ARHGAP8: variants seen among roughly 807,000 people sequenced by gnomAD.
The protein encoded by ARHGAP8 is Rho GTPase activating protein 8, also known as rho GTPase-activating protein 8.
ARHGAP8 carries 62 observed loss-of-function variants against 46.1 expected under a neutral mutation model. That is an observed-to-expected ratio of 1.34 (90% CI 1.10 to 1.66). The LOEUF (loss-of-function observed/expected upper bound fraction) is 1.66. Among genes scored for constraint, ARHGAP8 ranks in the 40% most tolerant of loss-of-function variants. The pLI is 0.00. For synonymous variants in ARHGAP8, 375 were observed against 243.1 expected (o/e 1.54, Z -5.05); for missense variants, 923 against 568.4 (o/e 1.62, Z -6.34).
At chr22:44,851,851 A>T (rs2070102184) in intron 10 of ARHGAP8, among the ~76,000 whole-genome samples, 1 of 151,910 alleles carries the variant, frequency 6.6e-6, no homozygotes, top group African/African-American at 2.4e-5. Flanking sequence ...AAACAGAAGG[A>T]ATGATGGAGG....
At chr22:44,778,390 G>A (rs943553901) in intron 1 of ARHGAP8, among the ~76,000 whole-genome samples, 2 of 151,990 alleles carry the variant, frequency 1.3e-5, no homozygotes, top group Admixed American at 6.6e-5. Flanking sequence ...GTATTCCATC[G>A]TATGTCTATA....
chr22:44,832,788 A>G (rs1277322497), intron 7 of ARHGAP8, among the ~76,000 whole-genome samples: 1 of 152,190 alleles, frequency 6.6e-6, no homozygotes, highest in Non-Finnish European at 1.5e-5. Flanking sequence ...ATTGTTGAAT[A>G]AAAATGATAA....
intron 3 of ARHGAP8, 132 bp from the exon 4 acceptor site, chr22:44,808,175 G>A (rs937845417): frequency 7.2e-7 from 1 of 1,391,210 alleles, no homozygotes; most frequent in Non-Finnish European, 9.7e-7. Flanking sequence ...GGGGCCCACG[G>A]TGCATGGAGT....
At chr22:44,772,345 CTTTTTTCTTT>C (rs1262906806) in intron 1 of ARHGAP8, among the ~76,000 whole-genome samples, 6 of 56,186 alleles carry the variant, frequency 1.1e-4, no homozygotes, top group Non-Finnish European at 2.0e-4. Flanking sequence ...TTTGTATTTT[CTTTTTTCTTT>C]TTTTTTTTTT....
chr22:44,822,872 G>A (rs1465052832), intron 6 of ARHGAP8, among the ~76,000 whole-genome samples: 3 of 152,196 alleles, frequency 2.0e-5, no homozygotes, highest in South Asian at 2.1e-4. Flanking sequence ...TCTAGAAAAC[G>A]ACCTGTCTCC....
At chr22:44,858,532 G>GTTTTTTTTTTT (rs1569184837) in intron 10 of ARHGAP8, among the ~76,000 whole-genome samples, 1 of 12,690 alleles carries the variant, frequency 7.9e-5, no homozygotes, top group Non-Finnish European at 1.5e-4. Context: ...ACCATACCCG[G>GTTTTTTTTTTT]CTTTTTTTTT....
intron 7 of ARHGAP8, among the ~76,000 whole-genome samples, chr22:44,838,056 C>T (rs1409533621): frequency 6.6e-6 from 1 of 152,140 alleles, no homozygotes; most frequent in African/African-American, 2.4e-5. Context: ...TCGCTGCAGC[C>T]TCCACCTCCC....
chr22:44,828,457 A>G (rs1930693521), intron 7 of ARHGAP8, among the ~76,000 whole-genome samples: 3 of 106,760 alleles, frequency 2.8e-5, no homozygotes. Context: ...TTTTGAGACA[A>G]TTTTTTTTTT....
chr22:44,821,943 A>G (rs898515106), intron 5 of ARHGAP8, among the ~76,000 whole-genome samples: 2 of 146,914 alleles, frequency 1.4e-5, no homozygotes, highest in Admixed American at 6.7e-5. Flanking sequence ...TGAAGCCACC[A>G]CTGACCCCAA....
chr22:44,813,326 C>T (rs999852391), intron 4 of ARHGAP8, among the ~76,000 whole-genome samples: 3 of 151,812 alleles, frequency 2.0e-5, no homozygotes, highest in Middle Eastern at 3.4e-3. Flanking sequence ...CATACACATA[C>T]ATACAGACAC....
intron 5 of ARHGAP8, among the ~76,000 whole-genome samples, chr22:44,819,833 C>G (rs920665428): frequency 9.2e-5 from 14 of 152,200 alleles, no homozygotes; most frequent in African/African-American, 2.4e-4. Flanking sequence ...AGAGGTTACG[C>G]CCAAGTCGCA....
intron 1 of ARHGAP8, among the ~76,000 whole-genome samples, chr22:44,753,842 T>G (rs903842886): frequency 9.2e-5 from 14 of 152,164 alleles, no homozygotes; most frequent in Non-Finnish European, 1.6e-4. Context: ...CGTCCCTCGC[T>G]TGCCTGTGAA....
Position 44,786,598 on chromosome 22 carries a change from A to C in ARHGAP8, c.71A>C (p.Gln24Pro), listed in dbSNP as rs1197455571. ...FYDVARHGIL[Q>P]VAGDDRFGRR... ...GACGTGGCCAGACATGGCATTCTGCAGGTGGCAGGTAGGGCCCCAGCTGGG... is the reference window on the plus strand; with the variant it reads ...GACGTGGCCAGACATGGCATTCTGCCGGTGGCAGGTAGGGCCCCAGCTGGG... The change falls in exon 2 of 12, where the codon CAG (glutamine) becomes CCG (proline). Residue 24 changes from glutamine to proline, a missense_variant. Gln to Pro is a moderately conservative substitution (Grantham distance 76). Coordinates refer to ENST00000356099, the MANE Select transcript of ARHGAP8 (RefSeq NM_181335.3). 3.1e-6 allele frequency: 5 copies of C among 1,613,148 alleles called. No individual in the cohort carries two copies. The highest frequency in any genetic ancestry group is 4.2e-6 in the Non-Finnish European group (5 of 1,179,684).
At position 44,848,923 on chromosome 22, in the gene ARHGAP8, T is replaced by A; in HGVS notation, c.749-9T>A. On this transcript the variant is annotated splice_polypyrimidine_tract_variant and intron_variant, in intron 9 of 11. Coordinates refer to ENST00000356099, the MANE Select transcript of ARHGAP8 (RefSeq NM_181335.3). Reference sequence around the variant, plus strand: ...TGCAGACCTCAGCAGTGCTGTGTTGTGTGTGCAGGGAAGCCCGTGAACTTT... The same window carrying A: ...TGCAGACCTCAGCAGTGCTGTGTTGAGTGTGCAGGGAAGCCCGTGAACTTT... 4 of 1,613,960 alleles carry A rather than the reference T, an allele frequency of 2.5e-6. No homozygotes were observed. Among genetic ancestry groups the A allele is most frequent in the Non-Finnish European group, 3.4e-6 (4 of 1,179,942 alleles).
intron 8 of ARHGAP8, among the ~76,000 whole-genome samples, chr22:44,846,679 CAG>C (rs1352668855): frequency 1.3e-5 from 2 of 152,198 alleles, no homozygotes; most frequent in African/African-American, 4.8e-5. Flanking sequence ...CTCTCCCAGG[CAG>C]AACTGCCTTC....
At chr22:44,784,599 C>G (rs5766003) in intron 1 of ARHGAP8, among the ~76,000 whole-genome samples, 134,173 of 152,140 alleles carry the variant, frequency 0.88, 59,476 homozygotes, top group Non-Finnish European at 0.94. Flanking sequence ...GTCCTGGAAC[C>G]AATCCCTCCA....
intron 4 of ARHGAP8, among the ~76,000 whole-genome samples, chr22:44,811,310 G>A (rs150450672): frequency 2.6e-5 from 4 of 152,370 alleles, no homozygotes; most frequent in East Asian, 3.9e-4. Context: ...CAAAGGTAAC[G>A]GCACCAGCCC....
At chr22:44,859,942 G>A (rs923783696) in intron 11 of ARHGAP8, 108 bp downstream of exon 11, 164 of 1,320,788 alleles carry the variant, frequency 1.2e-4, no homozygotes, top group Non-Finnish European at 1.5e-4. Flanking sequence ...GTCATGCCCT[G>A]CTTGGGCCTC....
At chr22:44,833,237 T>TAGGTATATA (rs1931080252) in intron 7 of ARHGAP8, among the ~76,000 whole-genome samples, 1 of 151,944 alleles carries the variant, frequency 6.6e-6, no homozygotes, top group South Asian at 2.1e-4. Flanking sequence ...GCTGGTACTA[T>TAGGTATATA]AGGTATATAC....
Sources: gnomAD v4.1 joint callset for allele counts (sites outside exome capture counted in the v4.1 genomes callset) on GRCh38, gnomAD v4.1.1 for gene constraint, MANE v1.5 for transcripts, NCBI Gene and HGNC (gene_info 2026-07-23, HGNC 2026-07-21) for gene names.